The following PCCA variants were observed in gnomAD, a reference collection of about 807,000 sequenced individuals.
PCCA encodes the protein propionyl-CoA carboxylase subunit alpha.
Under a neutral mutation model 101.3 loss-of-function variants are expected in PCCA, and 74 were observed. That is an observed-to-expected ratio of 0.73 (90% CI 0.61 to 0.89). PCCA has a LOEUF of 0.89. Ranked by LOEUF, PCCA falls within the 40% of genes least tolerant of loss-of-function variation. PCCA has a pLI of 0.00. For missense variants in PCCA, 891 were observed against 907.0 expected (o/e 0.98, Z 0.23); for synonymous variants, 294 against 313.6 (o/e 0.94, Z 0.66).
At chr13:100,110,794 G>GT (rs541345246) in intron 2 of PCCA, among the ~76,000 whole-genome samples, 129 of 151,648 alleles carry the variant, frequency 8.5e-4, no homozygotes, top group Middle Eastern at 6.8e-3. Context: ...TGGCCAAAGT[G>GT]TTTTTTTTGT....
chr13:100,507,392 G>C (rs906909480), intron 21 of PCCA, among the ~76,000 whole-genome samples: 2 of 152,256 alleles, frequency 1.3e-5, no homozygotes, highest in East Asian at 1.9e-4. Flanking sequence ...CTCCAGGTAG[G>C]CTGCTGTCAT....
intron 7 of PCCA, among the ~76,000 whole-genome samples, chr13:100,219,856 T>C (rs2152495272): frequency 6.6e-6 from 1 of 152,310 alleles, no homozygotes; most frequent in East Asian, 1.9e-4. Flanking sequence ...ATCAAAAGAC[T>C]GGTGTTTAAT....
chr13:100,373,305 G>A (rs1472143477), intron 19 of PCCA, among the ~76,000 whole-genome samples: 3 of 152,198 alleles, frequency 2.0e-5, no homozygotes, highest in East Asian at 3.8e-4. Context: ...AGGGTGTGGA[G>A]AAGCTGGAAC....
intron 19 of PCCA, among the ~76,000 whole-genome samples, chr13:100,401,556 GT>G (rs71717873): frequency 0.032 from 4,808 of 151,696 alleles, 253 homozygotes; most frequent in African/African-American, 0.11. Flanking sequence ...GTTTTTTTGT[GT>G]TTTTTTTATT....
At chr13:100,363,048 A>C (rs2074795397) in intron 18 of PCCA, among the ~76,000 whole-genome samples, 1 of 152,042 alleles carries the variant, frequency 6.6e-6, no homozygotes, top group African/African-American at 2.4e-5. Flanking sequence ...AAATTCCTTT[A>C]ATCTGTTCAT....
intron 5 of PCCA, 106 bp downstream of exon 5, chr13:100,155,198 G>A (rs1451482750): frequency 1.3e-5 from 10 of 781,670 alleles, no homozygotes; most frequent in Admixed American, 2.0e-5. Context: ...TGAAAATGCT[G>A]TTGCAGTTAG....
In PCCA at chr13:100,434,236, G is replaced by A. The variant is rs74789443; in HGVS notation, c.1845+8505G>A. The stretch of plus-strand genomic sequence containing the variant: ...TTTCTGGTTTCATAGTTGTCTTTGC[G>A]GGAGAGGAATTCTGATGTCTGTGAC... On this transcript the variant is annotated intron_variant, in intron 20 of 23. Coordinates refer to ENST00000376285, the MANE Select transcript of PCCA (RefSeq NM_000282.4). Among the ~76,000 whole-genome samples, 6 of 152,130 alleles carry A rather than the reference G, an allele frequency of 3.9e-5. No homozygotes were observed. The East Asian group carries it at 5.8e-4, about 15-fold the overall frequency.
intron 10 of PCCA, among the ~76,000 whole-genome samples, chr13:100,263,451 A>C (rs573370014): frequency 6.6e-4 from 101 of 152,276 alleles, no homozygotes; most frequent in African/African-American, 2.2e-3. Context: ...TTTAAATCTT[A>C]ATTTGGTGTG....
At chr13:100,212,733 T>C (rs2059290874) in intron 7 of PCCA, among the ~76,000 whole-genome samples, 1 of 152,190 alleles carries the variant, frequency 6.6e-6, no homozygotes, top group Admixed American at 6.5e-5. Flanking sequence ...AACAGTCTAA[T>C]ATACTTTTAG....
chr13:100,368,658 T>C, intron 19 of PCCA, 84 bp downstream of exon 19: 2 of 850,276 alleles, frequency 2.4e-6, no homozygotes, highest in East Asian at 5.0e-5. Context: ...TCAGTGACTC[T>C]CGTCTTTTGA....
intron 1 of PCCA, among the ~76,000 whole-genome samples, chr13:100,093,098 G>A (rs1286103946): frequency 6.6e-6 from 1 of 152,208 alleles, no homozygotes; most frequent in East Asian, 1.9e-4. Context: ...AAAAAATGTA[G>A]GTGGGAGAAC....
At chr13:100,112,631 C>T in intron 4 of PCCA, among the ~76,000 whole-genome samples, 1 of 134,954 alleles carries the variant, frequency 7.4e-6, no homozygotes. Flanking sequence ...GGCTGGAGTG[C>T]AGTGGTGTGA....
chr13:100,092,442 G>C (rs2152207950), intron 1 of PCCA, among the ~76,000 whole-genome samples: 1 of 151,958 alleles, frequency 6.6e-6, no homozygotes, highest in Admixed American at 6.5e-5. Context: ...GAGTGCAGTG[G>C]CATGATCTTG....
intron 4 of PCCA, chr13:100,150,492 G>A: frequency 2.4e-6 from 3 of 1,251,988 alleles, no homozygotes; most frequent in Non-Finnish European, 3.2e-6. Flanking sequence ...TAGCGGTAAC[G>A]GTGGAGCGGG....
chr13:100,201,197 A>G (rs904990147), intron 6 of PCCA, among the ~76,000 whole-genome samples: 2 of 152,142 alleles, frequency 1.3e-5, no homozygotes, highest in South Asian at 2.1e-4. Context: ...AAGGTTTTAT[A>G]TATATATCTC....
chr13:100,172,933 G>C (rs1172637653), intron 6 of PCCA, among the ~76,000 whole-genome samples: 1 of 152,124 alleles, frequency 6.6e-6, no homozygotes, highest in East Asian at 1.9e-4. Flanking sequence ...ACCGGACTAT[G>C]CTACCTCTGA....
At chr13:100,297,075 A>T (rs186336925) in intron 12 of PCCA, among the ~76,000 whole-genome samples, 1 of 152,292 alleles carries the variant, frequency 6.6e-6, no homozygotes, top group East Asian at 1.9e-4. Context: ...CTCATGTACT[A>T]GATTCAGTCT....
intron 18 of PCCA, among the ~76,000 whole-genome samples, chr13:100,365,535 A>C (rs1351429912): frequency 6.6e-6 from 1 of 152,228 alleles, no homozygotes; most frequent in Admixed American, 6.5e-5. Flanking sequence ...AGTTTGAAAA[A>C]TATTACAGCA....
At chr13:100,248,019 G>A (rs575251674) in intron 8 of PCCA, among the ~76,000 whole-genome samples, 1 of 151,922 alleles carries the variant, frequency 6.6e-6, no homozygotes, top group Non-Finnish European at 1.5e-5. Context: ...GCTTATTTTT[G>A]TTTTATCCTT....
Sources: allele counts gnomAD v4.1 joint callset (sites outside exome capture counted in the v4.1 genomes callset), GRCh38; gene constraint gnomAD v4.1.1; transcripts MANE v1.5; gene names NCBI Gene and HGNC (gene_info 2026-07-23, HGNC 2026-07-21).